Variants in CADM2 observed in about 807,000 individuals in gnomAD.
The protein encoded by CADM2 is cell adhesion molecule 2.
In CADM2, 12 loss-of-function variants were observed where a neutral mutation model predicts 49.8. That is an observed-to-expected ratio of 0.24 (90% CI 0.15 to 0.39). CADM2 has a LOEUF of 0.39. Ranked by LOEUF, CADM2 falls within the 10% of genes least tolerant of loss-of-function variation. The pLI is 1.00. For missense variants in CADM2, 378 were observed against 492.3 expected (o/e 0.77, Z 2.20); for synonymous variants, 214 against 175.4 (o/e 1.22, Z -1.74).
intron 1 of CADM2, among the ~76,000 whole-genome samples, chr3:85,376,093 A>C (rs892787177): frequency 6.6e-6 from 1 of 152,144 alleles, no homozygotes; most frequent in African/African-American, 2.4e-5. Context: ...AAAACTAATC[A>C]TTGTCAAAGA....
rs184759651 is a variant in CADM2 at position 86,073,881 on chromosome 3, G to A, written c.*7098G>A. ...CATTTTCTTTGTAAATTTCTAAGTGGAAGTTTTAAAAATTAAGCATCAGTA... is the reference window on the plus strand; with the variant it reads ...CATTTTCTTTGTAAATTTCTAAGTGAAAGTTTTAAAAATTAAGCATCAGTA... On this transcript the variant is annotated 3_prime_UTR_variant, in exon 10 of 10. Coordinates refer to ENST00000383699, the MANE Select transcript of CADM2 (RefSeq NM_001167675.2). 1 of 151,644 alleles carries A rather than the reference G, an allele frequency of 6.6e-6. No homozygotes were observed. Among genetic ancestry groups the A allele is most frequent in the Non-Finnish European group, 1.5e-5 (1 of 67,810 alleles). 9.4% of individuals were successfully genotyped at this position (151,644 alleles called of 1,614,324 possible). A position where few individuals can be genotyped will look rare whatever the true frequency, so the allele number is the denominator to read the frequency against.
intron 1 of CADM2, among the ~76,000 whole-genome samples, chr3:85,384,306 T>C (rs2034082400): frequency 6.6e-6 from 1 of 152,164 alleles, no homozygotes; most frequent in African/African-American, 2.4e-5. Context: ...TTTTCTTTTT[T>C]TTCTTCTATT....
chr3:85,150,923 AAATAATAAT>A (rs199583843), intron 1 of CADM2, among the ~76,000 whole-genome samples: 14 of 146,816 alleles, frequency 9.5e-5, no homozygotes, highest in South Asian at 2.1e-4. Flanking sequence ...AAATAAAAAT[AAATAATAAT>A]AATAATAATA....
At chr3:85,344,135 G>C (rs1037244969) in intron 1 of CADM2, among the ~76,000 whole-genome samples, 2 of 152,024 alleles carry the variant, frequency 1.3e-5, no homozygotes, top group African/African-American at 4.8e-5. Flanking sequence ...CAGAACTTTG[G>C]GGGGCCGAGG....
intron 1 of CADM2, among the ~76,000 whole-genome samples, chr3:85,406,845 C>T (rs778733422): frequency 6.6e-6 from 1 of 152,028 alleles, no homozygotes; most frequent in Non-Finnish European, 1.5e-5. Context: ...TATTTCTATG[C>T]CACTTTTTGT....
chr3:85,184,230 T>C (rs761463832), intron 1 of CADM2, among the ~76,000 whole-genome samples: 5 of 152,094 alleles, frequency 3.3e-5, no homozygotes, highest in African/African-American at 4.8e-5. Flanking sequence ...TACAACAGAT[T>C]CAGTAGATTT....
At chr3:85,526,964 G>T (rs1364116763) in intron 1 of CADM2, among the ~76,000 whole-genome samples, 1 of 152,126 alleles carries the variant, frequency 6.6e-6, no homozygotes, top group East Asian at 1.9e-4. Context: ...CGCTCTTTCT[G>T]CAGGGATTAA....
chr3:85,017,542 GAT>G (rs1401644301), intron 1 of CADM2, among the ~76,000 whole-genome samples: 4 of 152,072 alleles, frequency 2.6e-5, no homozygotes, highest in African/African-American at 9.7e-5. Flanking sequence ...TTCTTATCCT[GAT>G]GTAATTTTGC....
chr3:85,124,186 C>T lies in CADM2; in HGVS notation c.61+164518C>T, dbSNP rs1204847232. Among the ~76,000 whole-genome samples the T allele has an allele frequency of 2.6e-5, 4 of 152,164 alleles. No homozygotes were observed. In the South Asian group the frequency reaches 8.3e-4, roughly 31 times the overall value. On this transcript the variant is annotated intron_variant, in intron 1 of 9. Coordinates refer to ENST00000383699, the MANE Select transcript of CADM2 (RefSeq NM_001167675.2). ...TTGATAATTGCATTTGAAAGAATGG[C>T]TTCCAAGTCCTTAAGAAGGACGTTT...
At chr3:85,354,417 T>C (rs1251535205) in intron 1 of CADM2, among the ~76,000 whole-genome samples, 7 of 150,094 alleles carry the variant, frequency 4.7e-5, no homozygotes, top group African/African-American at 1.7e-4. Context: ...GACGAGTTAA[T>C]GGGTGCAGCA....
At chr3:85,117,583 C>T (rs991308228) in intron 1 of CADM2, among the ~76,000 whole-genome samples, 1 of 151,970 alleles carries the variant, frequency 6.6e-6, no homozygotes, top group African/African-American at 2.4e-5. Flanking sequence ...GTATATTTAT[C>T]AGATTATAAT....
chr3:85,308,310 TACACAC>T (rs10662960), intron 1 of CADM2, among the ~76,000 whole-genome samples: 13,891 of 143,570 alleles, frequency 0.097, 1,299 homozygotes, highest in African/African-American at 0.25. Context: ...TCTACCTCTC[TACACAC>T]ACACACACAC....
chr3:85,302,362 C>A (rs2044122290), intron 1 of CADM2, among the ~76,000 whole-genome samples: 1 of 151,928 alleles, frequency 6.6e-6, no homozygotes, highest in Non-Finnish European at 1.5e-5. Flanking sequence ...AACTTTTGGA[C>A]AATGCAGGAA....
chr3:84,961,637 TGC>T (rs911149843), intron 1 of CADM2, among the ~76,000 whole-genome samples: 12 of 151,738 alleles, frequency 7.9e-5, no homozygotes, highest in Non-Finnish European at 1.5e-4. Flanking sequence ...TGTGTGTGTG[TGC>T]GCGCGCGCGC....
chr3:85,394,395 T>G (rs2034669272), intron 1 of CADM2, among the ~76,000 whole-genome samples: 1 of 152,192 alleles, frequency 6.6e-6, no homozygotes, highest in Non-Finnish European at 1.5e-5. Flanking sequence ...TGCATTATAT[T>G]TCACAGGTAA....
At chr3:85,881,304 A>G (rs1446548872) in intron 3 of CADM2, among the ~76,000 whole-genome samples, 1 of 152,062 alleles carries the variant, frequency 6.6e-6, no homozygotes, top group Admixed American at 6.6e-5. Context: ...CAAGATCATT[A>G]GTAATTGCTT....
chr3:85,309,207 C>T (rs757679628), intron 1 of CADM2, among the ~76,000 whole-genome samples: 1 of 152,098 alleles, frequency 6.6e-6, no homozygotes. Context: ...TGTCTAAATA[C>T]GCTTCTTCTG....
intron 1 of CADM2, among the ~76,000 whole-genome samples, chr3:85,314,904 G>GTT (rs1477786587): frequency 1.3e-5 from 2 of 152,124 alleles, no homozygotes; most frequent in Admixed American, 1.3e-4. Flanking sequence ...TAATATCACT[G>GTT]TTTTAGTTTC....
chr3:85,948,178 A>G (rs1476417735), intron 7 of CADM2, among the ~76,000 whole-genome samples: 1 of 151,504 alleles, frequency 6.6e-6, no homozygotes. Context: ...TATATAGCAA[A>G]TTCAACAACA....
Sources: gnomAD v4.1 joint callset for allele counts (sites outside exome capture counted in the v4.1 genomes callset) on GRCh38, gnomAD v4.1.1 for gene constraint, MANE v1.5 for transcripts, NCBI Gene and HGNC (gene_info 2026-07-23, HGNC 2026-07-21) for gene names.